The following MLLT10 variants were observed in gnomAD, a reference collection of about 807,000 sequenced individuals.
The protein encoded by MLLT10 is protein AF-10.
MLLT10 carries 30 observed loss-of-function variants against 129.1 expected under a neutral mutation model. The ratio of observed to expected loss-of-function variants is 0.23; its 90% CI spans 0.17 to 0.32. The LOEUF is 0.32. Among genes scored for constraint, MLLT10 ranks in the 10% least tolerant of loss-of-function variants. MLLT10 has a pLI of 1.00. For missense variants in MLLT10, 1,119 were observed against 1,268.3 expected, an observed-to-expected ratio of 0.88 and a Z score of 1.79; for synonymous variants, 490 against 446.4, an observed-to-expected ratio of 1.10 and a Z score of -1.23.
intron 8 of MLLT10, among the ~76,000 whole-genome samples, chr10:21,630,743 A>G (rs531418641): frequency 6.6e-6 from 1 of 152,352 alleles, no homozygotes; most frequent in Non-Finnish European, 1.5e-5. Flanking sequence ...TTCTACCAGC[A>G]TCTATGAAAC....
At chr10:21,717,686 C>T (rs868539598) in intron 14 of MLLT10, among the ~76,000 whole-genome samples, 33 of 59,142 alleles carry the variant, frequency 5.6e-4, no homozygotes, top group African/African-American at 1.1e-3. Flanking sequence ...CTTCCTCCTC[C>T]TCCTCCTCCT....
rs779992076 is a variant in MLLT10, at chr10:21,733,830, T to C, written c.2559T>C (p.Ala853=). 11 of 1,614,180 alleles carry C rather than the reference T, an allele frequency of 6.8e-6. No homozygotes were observed. The South Asian group carries it at 7.7e-5, about 11-fold the overall frequency. ...CAGCTCTTTCTACCCCACCTCCTGC[T>C]GGGCAGAGTCCGGCTCAACAAGGCT... The part of the protein sequence containing the change: ...SSSALSTPPP[A]GQSPAQQGSG... Residue 853 remains alanine, a synonymous_variant, in exon 20 of 23, where the codon GCT becomes GCC. Coordinates refer to ENST00000307729, the MANE Select transcript of MLLT10 (RefSeq NM_001195626.3).
At chr10:21,695,061 C>CTTTTTTTTT (rs71393922) in intron 13 of MLLT10, among the ~76,000 whole-genome samples, 1 of 104,034 alleles carries the variant, frequency 9.6e-6, no homozygotes, top group Non-Finnish European at 1.9e-5. Flanking sequence ...TTTCTACCTT[C>CTTTTTTTTT]TTTTTTTTTT....
At chr10:21,716,210 G>T (rs1447902530) in intron 14 of MLLT10, among the ~76,000 whole-genome samples, 2 of 152,188 alleles carry the variant, frequency 1.3e-5, no homozygotes, top group Non-Finnish European at 2.9e-5. Context: ...CTTAGCAATT[G>T]AATCATTTTT....
At chr10:21,620,329 T>C (rs1436787772) in intron 8 of MLLT10, among the ~76,000 whole-genome samples, 1 of 152,182 alleles carries the variant, frequency 6.6e-6, no homozygotes, top group Admixed American at 6.5e-5. Context: ...AAGTCAGACA[T>C]TAGTATTTTT....
chr10:21,655,523 A>AT (rs142986163), intron 9 of MLLT10, among the ~76,000 whole-genome samples: 9,947 of 151,702 alleles, frequency 0.066, 1,091 homozygotes, highest in African/African-American at 0.23. Flanking sequence ...TCTTCTTTTG[A>AT]TTTTTTTTTA....
At chr10:21,688,607 C>A in intron 13 of MLLT10, 1 of 1,362,008 alleles carries the variant, frequency 7.3e-7, no homozygotes, top group Non-Finnish European at 1.0e-6. Flanking sequence ...AGCTTGGAAA[C>A]CTTCCCATAC....
chr10:21,549,918 C>T (rs1051013457), intron 3 of MLLT10, among the ~76,000 whole-genome samples: 27 of 152,116 alleles, frequency 1.8e-4, no homozygotes, highest in African/African-American at 6.5e-4. Context: ...GGATTACAGG[C>T]GTGAGCCATC....
At chr10:21,735,564 G>C (rs1021342372) in intron 21 of MLLT10, among the ~76,000 whole-genome samples, 1 of 152,128 alleles carries the variant, frequency 6.6e-6, no homozygotes, top group African/African-American at 2.4e-5. Context: ...ATACTGAGAA[G>C]AACAAAGAAG....
At chr10:21,692,793 G>T (rs753407464) in intron 13 of MLLT10, among the ~76,000 whole-genome samples, 1 of 151,974 alleles carries the variant, frequency 6.6e-6, no homozygotes, top group Admixed American at 6.6e-5. Flanking sequence ...GGCCATAATG[G>T]TTATATTAAA....
intron 3 of MLLT10, among the ~76,000 whole-genome samples, chr10:21,562,634 G>C (rs555327120): frequency 9.0e-4 from 137 of 152,036 alleles, no homozygotes; most frequent in African/African-American, 3.0e-3. Context: ...CACCACACCT[G>C]GCGTGGAGAT....
At chr10:21,667,530 T>A (rs1484249120) in intron 9 of MLLT10, among the ~76,000 whole-genome samples, 4 of 152,082 alleles carry the variant, frequency 2.6e-5, no homozygotes, top group South Asian at 2.1e-4. Flanking sequence ...GTTTTTTTTT[T>A]AATGTACTCA....
chr10:21,640,296 T>C (rs1347500836), intron 8 of MLLT10, among the ~76,000 whole-genome samples: 4 of 144,056 alleles, frequency 2.8e-5, no homozygotes, highest in South Asian at 2.1e-4. Flanking sequence ...ATATATATTA[T>C]ATAATATATA....
rs756061791 is a variant in MLLT10 at position 21,742,032 on chromosome 10, A to G, written c.*49A>G. The G allele has an allele frequency of 6.3e-7, 1 of 1,575,808 alleles. No homozygotes were observed. The highest frequency in any genetic ancestry group is 8.7e-7 in the Non-Finnish European group (1 of 1,151,442). On this transcript the variant is annotated 3_prime_UTR_variant, in exon 23 of 23. Transcript: ENST00000307729. ...GCCTATCCTGCTGTTCTAGCACTTCATCTGGCTGCCTTTGCAGTCCTTTTA... is the reference window on the plus strand; with the variant it reads ...GCCTATCCTGCTGTTCTAGCACTTCGTCTGGCTGCCTTTGCAGTCCTTTTA...
chr10:21,740,497 G>A (rs77555022), intron 22 of MLLT10, among the ~76,000 whole-genome samples: 1,927 of 152,286 alleles, frequency 0.013, 38 homozygotes, highest in African/African-American at 0.044. Flanking sequence ...AGTCATATGG[G>A]ACAATCAAAT....
intron 3 of MLLT10, among the ~76,000 whole-genome samples, chr10:21,563,367 AC>A (rs1353919201): frequency 1.3e-5 from 2 of 152,074 alleles, no homozygotes; most frequent in Non-Finnish European, 2.9e-5. Context: ...TACTAAAAAT[AC>A]AAAAATTAGC....
At chr10:21,668,505 G>T (rs1225611128) in intron 9 of MLLT10, among the ~76,000 whole-genome samples, 1 of 152,042 alleles carries the variant, frequency 6.6e-6, no homozygotes, top group Non-Finnish European at 1.5e-5. Context: ...TTTAAAAATT[G>T]TTAACATCTA....
At position 21,734,072 on chromosome 10, in the gene MLLT10, C is replaced by T. The variant is rs769302925; in HGVS notation, c.2801C>T (p.Thr934Ile). 1.9e-6 allele frequency: 3 copies of T among 1,614,028 alleles called. No individual in the cohort carries two copies. Among genetic ancestry groups the T allele is most frequent in the Non-Finnish European group, 2.5e-6 (3 of 1,179,932 alleles). The change falls in exon 20 of 23, where the codon ACC becomes ATC. Residue 934 changes from threonine (T) to isoleucine (I), a missense_variant. Physicochemically the swap from Thr to Ile is moderately conservative, Grantham distance 89 (BLOSUM62 -1). Transcript: ENST00000307729. ...ATGTCCCAGAACCCTACCCCTCTCA[C>T]CCACACAACCGTACCACCTAATGCA... ...VTMSQNPTPL[T>I]HTTVPPNATH...
chr10:21,623,599 C>T (rs2046121967), intron 8 of MLLT10, among the ~76,000 whole-genome samples: 1 of 152,160 alleles, frequency 6.6e-6, no homozygotes, highest in African/African-American at 2.4e-5. Flanking sequence ...GTTTTATTTT[C>T]CTTCAGTAAC....
Sources: gnomAD v4.1 joint callset for allele counts (sites outside exome capture counted in the v4.1 genomes callset) on GRCh38, gnomAD v4.1.1 for gene constraint, MANE v1.5 for transcripts, NCBI Gene and HGNC (gene_info 2026-07-23, HGNC 2026-07-21) for gene names.